Variants in SQSTM1 observed in about 807,000 individuals in gnomAD.
SQSTM1 encodes the protein sequestosome-1.
A neutral mutation model predicts 45.1 loss-of-function variants in SQSTM1; 36 were observed. The observed-to-expected ratio is 0.80, with a 90% CI of 0.61 to 1.05. SQSTM1 has a LOEUF of 1.05. Among genes scored for constraint, SQSTM1 ranks in the 50% least tolerant of loss-of-function variants. SQSTM1 has a pLI of 0.00. For synonymous variants in SQSTM1, 290 were observed against 244.3 expected (o/e 1.19, Z -1.74); for missense variants, 617 against 607.1 (o/e 1.02, Z -0.17).
Position 179,806,509 on chromosome 5 carries a change from G to A in SQSTM1, c.-239G>A. 2 of 1,327,408 alleles carry A rather than the reference G, an allele frequency of 1.5e-6. No homozygotes were observed. Among genetic ancestry groups the A allele is most frequent in the South Asian group, 1.5e-5 (1 of 68,656 alleles). The allele number at this position is 1,327,408 out of a possible 1,614,324, so 82.2% of individuals were successfully genotyped here. A position where few individuals can be genotyped will look rare whatever the true frequency, so the allele number is the denominator to read the frequency against. ...CACCTTTCTGGCCGCTGAGTGCCGC[G>A]TACCAGGACAGCGAGAGGAAGGCGC... On this transcript the variant is annotated 5_prime_UTR_variant, in exon 1 of 6. Coordinates refer to the SQSTM1 transcript ENST00000514093. The surrounding 1 kb of genome is among the most constrained non-coding windows in gnomAD (Gnocchi z 4.6).
At chr5:179,811,887 C>CTCCA (rs1408060556) in intron 2 of SQSTM1, 1 of 152,234 alleles carries the variant, frequency 6.6e-6, no homozygotes, top group East Asian at 1.9e-4. Context: ...TCACTGCAAG[C>CTCCA]TCCACCTCCC....
In SQSTM1 at chr5:179,836,621, C is replaced by T; in HGVS notation, c.*28C>T. The T allele has an allele frequency of 6.2e-7, 1 of 1,611,560 alleles. No homozygotes were observed. Among genetic ancestry groups the T allele is most frequent in the Non-Finnish European group, 8.5e-7 (1 of 1,179,966 alleles). Reference sequence around the variant, plus strand: ...ACTTTTGCCCACCTCTTCTGCGTGCCCCTCTTCTGTCTCATAGTTGTGTTA... The same window carrying T: ...ACTTTTGCCCACCTCTTCTGCGTGCTCCTCTTCTGTCTCATAGTTGTGTTA... On this transcript the variant is annotated 3_prime_UTR_variant, in exon 8 of 8. Coordinates refer to ENST00000389805, the MANE Select transcript of SQSTM1 (RefSeq NM_003900.5).
chr5:179,836,008 C>T (rs1369720275), intron 7 of SQSTM1: 2 of 295,658 alleles, frequency 6.8e-6, no homozygotes, highest in East Asian at 8.2e-5. Context: ...ACATACATTT[C>T]CAAGTCCTGT....
intron 1 of SQSTM1, 79 bp from the exon 2 acceptor site, chr5:179,822,879 C>A: frequency 8.1e-7 from 1 of 1,240,350 alleles, no homozygotes; most frequent in Non-Finnish European, 1.2e-6. Flanking sequence ...CCCTTTCATA[C>A]TTGCCTCAGC....
At chr5:179,836,405 ACTC>A (rs775798698) in intron 7 of SQSTM1, 28 bp from the exon 8 acceptor site, 2 of 1,613,372 alleles carry the variant, frequency 1.2e-6, no homozygotes, top group South Asian at 2.2e-5. Flanking sequence ...GCTCAGCACC[ACTC>A]CTCATGGCTT....
intron 5 of SQSTM1, among the ~76,000 whole-genome samples, chr5:179,825,697 G>A (rs1348671715): frequency 6.6e-6 from 1 of 152,176 alleles, no homozygotes; most frequent in Non-Finnish European, 1.5e-5. Context: ...GCCTCAGAGC[G>A]GGGAGAAGGT....
chr5:179,834,583 T>G (rs1758422736), intron 7 of SQSTM1, among the ~76,000 whole-genome samples: 1 of 151,770 alleles, frequency 6.6e-6, no homozygotes, highest in African/African-American at 2.4e-5. Flanking sequence ...TTTGTGTCCC[T>G]GGGTACTTGA....
At chr5:179,831,896 G>A (rs530763483) in intron 5 of SQSTM1, among the ~76,000 whole-genome samples, 15 of 151,246 alleles carry the variant, frequency 9.9e-5, no homozygotes, top group Non-Finnish European at 1.9e-4. Context: ...CGATTCTTCT[G>A]CCTCGGCCTC....
At chr5:179,813,723 T>A (rs183622327) in intron 2 of SQSTM1, 42 of 151,804 alleles carry the variant, frequency 2.8e-4, no homozygotes, top group African/African-American at 1.0e-3. Context: ...CCACTGCACT[T>A]CAGCCTGGGC....
At position 179,833,297 on chromosome 5, in the gene SQSTM1, T is replaced by C. The variant is rs1291192057; in HGVS notation, c.969+51T>C. 7 of 1,503,818 alleles carry C rather than the reference T, an allele frequency of 4.7e-6. No individual in the cohort carries two copies. In the East Asian group the frequency reaches 1.2e-4, roughly 26 times the overall value. 93.2% of individuals were successfully genotyped at this position (1,503,818 alleles called of 1,614,324 possible). A position where few individuals can be genotyped will look rare whatever the true frequency, so the allele number is the denominator to read the frequency against. On this transcript the variant is annotated intron_variant, in intron 6 of 7. Coordinates refer to ENST00000389805, the MANE Select transcript of SQSTM1 (RefSeq NM_003900.5). ...TGGGACCACGGCCAGCCTAGTGATCTGTGGCCTGCACCTCCGCCTCATCCT... is the reference window on the plus strand; with the variant it reads ...TGGGACCACGGCCAGCCTAGTGATCCGTGGCCTGCACCTCCGCCTCATCCT...
rs756605512 is a variant in SQSTM1, at chr5:179,837,566, G to A, written c.*973G>A. The A allele has an allele frequency of 3.1e-6, 5 of 1,614,200 alleles. No individual in the cohort carries two copies. The highest frequency in any genetic ancestry group is 1.1e-5 in the South Asian group (1 of 91,086). ...AGATGTGACGGGGTGTGTGGCCCGAGGAAGCTGGACAGCGGCAGTGGGCCT... is the reference window on the plus strand; with the variant it reads ...AGATGTGACGGGGTGTGTGGCCCGAAGAAGCTGGACAGCGGCAGTGGGCCT... On this transcript the variant is annotated 3_prime_UTR_variant, in exon 8 of 8. Coordinates refer to ENST00000389805, the MANE Select transcript of SQSTM1 (RefSeq NM_003900.5).
At chr5:179,827,340 T>C (rs546161) in intron 5 of SQSTM1, among the ~76,000 whole-genome samples, 98,466 of 152,086 alleles carry the variant, frequency 0.65, 33,036 homozygotes, top group African/African-American at 0.81. Context: ...CTCGCTCTGT[T>C]GCCCAGGCTG....
chr5:179,836,036 T>C (rs887893562), intron 7 of SQSTM1: 2 of 302,904 alleles, frequency 6.6e-6, no homozygotes, highest in Non-Finnish European at 1.3e-5. Flanking sequence ...ACCTCCAAAA[T>C]GTATCTTGTA....
At chr5:179,810,200 G>A (rs1265417350) in intron 1 of SQSTM1, among the ~76,000 whole-genome samples, 2 of 151,872 alleles carry the variant, frequency 1.3e-5, no homozygotes, top group Non-Finnish European at 2.9e-5. Context: ...ACATGTGCCC[G>A]GTTGGTATGC....
Position 179,837,334 on chromosome 5 carries a change from G to A in SQSTM1, c.*741G>A, listed in dbSNP as rs1758624864. 6.3e-7 allele frequency: 1 copy of A among 1,586,946 alleles called. No homozygotes were observed. The highest frequency in any genetic ancestry group is 8.6e-7 in the Non-Finnish European group (1 of 1,166,502). Reference sequence around the variant, plus strand: ...ACAGAGTATCTTTAAAAGTGCCTTAGGGGAACCCTGTCCCTCCTAACAAGT... The same window carrying A: ...ACAGAGTATCTTTAAAAGTGCCTTAAGGGAACCCTGTCCCTCCTAACAAGT... On this transcript the variant is annotated 3_prime_UTR_variant, in exon 8 of 8. Coordinates refer to ENST00000389805, the MANE Select transcript of SQSTM1 (RefSeq NM_003900.5).
chr5:179,824,154 C>T (rs2113488720), intron 3 of SQSTM1, 28 bp from the exon 4 acceptor site: 1 of 1,613,600 alleles, frequency 6.2e-7, no homozygotes, highest in Non-Finnish European at 8.5e-7. Context: ...CCGCTCACTG[C>T]CTGCCGCTCT....
rs1301441464 is a variant in SQSTM1, at chr5:179,837,029, AGCAG to A, written c.*443_*446del. On this transcript the variant is annotated 3_prime_UTR_variant, in exon 8 of 8. Coordinates refer to ENST00000389805, the MANE Select transcript of SQSTM1 (RefSeq NM_003900.5). ...AGATAAAGTAAGCCTAGGTGTTGTCAGCAGGCAGGCTGGGGAGGCCAGTGTTGTG... is the reference window on the plus strand; with the variant it reads ...AGATAAAGTAAGCCTAGGTGTTGTCAGCAGGCTGGGGAGGCCAGTGTTGTG... The A allele has an allele frequency of 1.6e-6, 1 of 634,684 alleles. No homozygotes were observed. Among genetic ancestry groups the A allele is most frequent in the Non-Finnish European group, 2.8e-6 (1 of 359,956 alleles). The allele number at this position is 634,684 out of a possible 1,614,324, so 39.3% of individuals were successfully genotyped here.
At chr5:179,809,429 T>C (rs1757326373) in intron 1 of SQSTM1, among the ~76,000 whole-genome samples, 1 of 133,418 alleles carries the variant, frequency 7.5e-6, no homozygotes, top group South Asian at 2.5e-4. Flanking sequence ...TTCCACCTCC[T>C]GGATACAAGC....
Position 179,836,660 on chromosome 5 carries a change from T to A in SQSTM1, c.*67T>A. On this transcript the variant is annotated 3_prime_UTR_variant, in exon 8 of 8. Transcript: ENST00000389805. ...ATAGTTGTGTTAAGCTTGCGTAGAATTGCAGGTCTCTGTACGGGCCAGTTT... is the reference window on the plus strand; with the variant it reads ...ATAGTTGTGTTAAGCTTGCGTAGAAATGCAGGTCTCTGTACGGGCCAGTTT... 6.2e-7 allele frequency: 1 copy of A among 1,611,006 alleles called. No homozygotes were observed. The highest frequency in any genetic ancestry group is 8.5e-7 in the Non-Finnish European group (1 of 1,177,284).
Sources: allele counts gnomAD v4.1 joint callset (sites outside exome capture counted in the v4.1 genomes callset), GRCh38; gene constraint gnomAD v4.1.1; non-coding constraint Gnocchi (gnomAD v3.1); transcripts MANE v1.5; gene names NCBI Gene and HGNC (gene_info 2026-07-23, HGNC 2026-07-21).